Variants in THAP4 observed in about 807,000 individuals in gnomAD.
THAP4 encodes THAP domain containing 4.
A neutral mutation model predicts 48.1 loss-of-function variants in THAP4; 18 were observed. The ratio of observed to expected loss-of-function variants is 0.37; its 90% CI spans 0.26 to 0.56. The LOEUF (loss-of-function observed/expected upper bound fraction) is 0.56. Among genes scored for constraint, THAP4 ranks in the 20% least tolerant of loss-of-function variants. The probability of loss-of-function intolerance (pLI) is 0.78; values close to 1 mark genes in which losing one functional copy is unlikely to be tolerated. For missense variants in THAP4, 656 were observed against 774.9 expected, an observed-to-expected ratio of 0.85 and a Z score of 1.82; for synonymous variants, 345 against 324.9, an observed-to-expected ratio of 1.06 and a Z score of -0.66.
chr2:241,589,914 G>A (rs1163245435), intron 5 of THAP4, among the ~76,000 whole-genome samples: 2 of 152,146 alleles, frequency 1.3e-5, no homozygotes, highest in African/African-American at 4.8e-5. Flanking sequence ...AAAGGAGACC[G>A]GAAACAAATG....
intron 5 of THAP4, among the ~76,000 whole-genome samples, chr2:241,585,935 A>G (rs868568613): frequency 6.8e-6 from 1 of 146,996 alleles, no homozygotes; most frequent in African/African-American, 2.5e-5. Context: ...AAAAAGAAAA[A>G]AAAAAGAAAA....
At chr2:241,615,572 C>A (rs2067329754) in intron 2 of THAP4, among the ~76,000 whole-genome samples, 1 of 152,202 alleles carries the variant, frequency 6.6e-6, no homozygotes, top group African/African-American at 2.4e-5. Flanking sequence ...TACTGCAGAT[C>A]TAATATTTCG....
Position 241,609,792 on chromosome 2 carries a change from AAAAG to A in THAP4, c.1241-3323_1241-3320del, listed in dbSNP as rs550847040. The stretch of plus-strand genomic sequence containing the variant: ...ACAGAGACGTTTTCTCAAAAAAAAA[AAAAG>A]AAAGAAAGAGGCTTTGCAAACCTCA... On this transcript the variant is annotated intron_variant, in intron 2 of 5. Coordinates refer to ENST00000407315, the MANE Select transcript of THAP4 (RefSeq NM_015963.6). Among the ~76,000 whole-genome samples, 167 of 151,936 alleles carry A rather than the reference AAAAG, an allele frequency of 1.1e-3. 1 individual carries two copies. Among genetic ancestry groups the A allele is most frequent in the African/African-American group, 3.8e-3 (158 of 41,456 alleles).
chr2:241,603,825 C>T (rs1004496126), intron 3 of THAP4, among the ~76,000 whole-genome samples: 1 of 152,138 alleles, frequency 6.6e-6, no homozygotes, highest in African/African-American at 2.4e-5. Context: ...AAGACAGGCA[C>T]CTGCATCTTG....
At chr2:241,611,865 C>T (rs1314908250) in intron 2 of THAP4, among the ~76,000 whole-genome samples, 18 of 151,990 alleles carry the variant, frequency 1.2e-4, no homozygotes, top group Admixed American at 1.1e-3. Context: ...CAAGTGTGAA[C>T]AAGAGCAGCA....
chr2:241,630,129 G>A (rs893199720), intron 2 of THAP4, among the ~76,000 whole-genome samples: 1 of 151,922 alleles, frequency 6.6e-6, no homozygotes, highest in African/African-American at 2.4e-5. Context: ...TGCTCCCCTC[G>A]CCCAATCTGT....
At position 241,602,858 on chromosome 2, in the gene THAP4, C is replaced by T. The variant is rs1452907529; in HGVS notation, c.1510+112G>A. 3.6e-6 allele frequency: 3 copies of T among 834,666 alleles called. No homozygotes were observed. The African/African-American group carries it at 5.0e-5, about 14-fold the overall frequency. The allele number at this position is 834,666 out of a possible 1,614,324, so 51.7% of individuals were successfully genotyped here. ...ACACTCAGGGCCATCCCCACGGTCCCCACCAGCACATGCCTCAGCAGGGTT... is the reference window on the plus strand; with the variant it reads ...ACACTCAGGGCCATCCCCACGGTCCTCACCAGCACATGCCTCAGCAGGGTT... On this transcript the variant is annotated intron_variant, in intron 4 of 5. Coordinates refer to ENST00000407315, the MANE Select transcript of THAP4 (RefSeq NM_015963.6).
At position 241,633,104 on chromosome 2, in the gene THAP4, G is replaced by C; in HGVS notation, c.1053C>G (p.Ser351=). ...LIDSLHSYCF[S]SRQNKSQVCC... Reference sequence around the variant, plus strand: ...ACACCTGGCTCTTGTTCTGCCGGGAGGAGAAGCAGTAGGAGTGCAGTGAGT... The same window carrying C: ...ACACCTGGCTCTTGTTCTGCCGGGACGAGAAGCAGTAGGAGTGCAGTGAGT... The change falls in exon 2 of 6, where the codon TCC becomes TCG. Residue 351 remains serine, a synonymous_variant. Coordinates refer to ENST00000407315, the MANE Select transcript of THAP4 (RefSeq NM_015963.6). This position sits in a 1 kb window ranked among gnomAD's most constrained non-coding sequence, Gnocchi z 7.5. 6.2e-7 allele frequency: 1 copy of C among 1,613,924 alleles called. No individual in the cohort carries two copies. The highest frequency in any genetic ancestry group is 1.1e-5 in the South Asian group (1 of 91,054).
At chr2:241,602,135 T>G in intron 4 of THAP4, 136 bp from the exon 5 acceptor site, 1 of 752,992 alleles carries the variant, frequency 1.3e-6, no homozygotes, top group South Asian at 1.7e-5. Context: ...ATATTTCTCC[T>G]CCTCCCCACT....
intron 2 of THAP4, among the ~76,000 whole-genome samples, chr2:241,622,433 T>G (rs1204464061): frequency 6.6e-6 from 1 of 152,008 alleles, no homozygotes; most frequent in East Asian, 1.9e-4. Flanking sequence ...TCACTGGCAG[T>G]ACCTCTTCCC....
rs2067355841 is a variant in THAP4, at chr2:241,616,932, C to G, written c.1241-10459G>C. Among the ~76,000 whole-genome samples the G allele has an allele frequency of 6.6e-6, 1 of 152,150 alleles. No homozygotes were observed. The highest frequency in any genetic ancestry group is 1.5e-5 in the Non-Finnish European group (1 of 68,022). ...GGCGCCTCCTTCTGTCTACACTGCACCTCACCAGGTTAACCTGCTCCTGGG... is the reference window on the plus strand; with the variant it reads ...GGCGCCTCCTTCTGTCTACACTGCAGCTCACCAGGTTAACCTGCTCCTGGG... On this transcript the variant is annotated intron_variant, in intron 2 of 5. Transcript: ENST00000407315. The surrounding 1 kb of genome is among the most constrained non-coding windows in gnomAD (Gnocchi z 4.6).
In THAP4 at chr2:241,633,044, G is replaced by C. The variant is rs765217337; in HGVS notation, c.1113C>G (p.Gly371=). The C allele has an allele frequency of 3.1e-6, 5 of 1,613,790 alleles. No homozygotes were observed. Among genetic ancestry groups the C allele is most frequent in the Non-Finnish European group, 3.4e-6 (4 of 1,180,042 alleles). ...CCCTCTGCCGCAGGCTCTTCAGCTC[G>C]CCGTTCTTCTTCTCCACCTGCTCCC... ...CLREQVEKKN[G]ELKSLRQRVS... Residue 371 remains glycine, a synonymous_variant, in exon 2 of 6, where the codon GGC becomes GGG. Coordinates refer to ENST00000407315, the MANE Select transcript of THAP4 (RefSeq NM_015963.6). This position sits in a 1 kb window ranked among gnomAD's most constrained non-coding sequence, Gnocchi z 7.5.
At chr2:241,629,727 G>C (rs2067534769) in intron 2 of THAP4, among the ~76,000 whole-genome samples, 1 of 151,792 alleles carries the variant, frequency 6.6e-6, no homozygotes, top group African/African-American at 2.4e-5. Context: ...GGAGTTTCTT[G>C]TGTTGGTAAC....
At chr2:241,611,514 G>A (rs2067276192) in intron 2 of THAP4, among the ~76,000 whole-genome samples, 1 of 152,208 alleles carries the variant, frequency 6.6e-6, no homozygotes, top group South Asian at 2.1e-4. Context: ...TCTGAGGTCA[G>A]GAGTTCGAGA....
At chr2:241,637,253 C>T, upstream of THAP4, 1 of 1,047,426 alleles carries the variant, frequency 9.5e-7, no homozygotes, top group Non-Finnish European at 1.2e-6. Context: ...ACCAGCGGGG[C>T]GCCGCAGGCC....
At chr2:241,625,797 C>CAAAAAAAAAA (rs147602587) in intron 2 of THAP4, among the ~76,000 whole-genome samples, 23 of 50,170 alleles carry the variant, frequency 4.6e-4, no homozygotes, top group Admixed American at 6.9e-4. Context: ...GACTCCGTCT[C>CAAAAAAAAAA]AAAAAAAAAA....
intron 2 of THAP4, among the ~76,000 whole-genome samples, chr2:241,627,694 G>A (rs941146536): frequency 6.6e-6 from 1 of 152,174 alleles, no homozygotes; most frequent in Admixed American, 6.5e-5. Flanking sequence ...AAATCCACAC[G>A]GACAGCAAGA....
In THAP4 at chr2:241,616,070, G is replaced by C. The variant is rs551041276; in HGVS notation, c.1241-9597C>G. The stretch of plus-strand genomic sequence containing the variant: ...AGAACTCAGTCAGGGGGCTGGCAAG[G>C]ACAGGTGAGCACAGCTGGCTCCTCA... On this transcript the variant is annotated intron_variant, in intron 2 of 5. Transcript: ENST00000407315. This position sits in a 1 kb window ranked among gnomAD's most constrained non-coding sequence, Gnocchi z 4.6. Among the ~76,000 whole-genome samples, 7 of 152,218 alleles carry C rather than the reference G, an allele frequency of 4.6e-5. No individual in the cohort carries two copies. Among genetic ancestry groups the C allele is most frequent in the Non-Finnish European group, 1.0e-4 (7 of 68,030 alleles).
At chr2:241,608,150 T>C (rs188056415) in intron 2 of THAP4, among the ~76,000 whole-genome samples, 1 of 152,210 alleles carries the variant, frequency 6.6e-6, no homozygotes, top group East Asian at 1.9e-4. Flanking sequence ...GCAAAGGCTC[T>C]GGGGGTGGAG....
Sources: allele counts gnomAD v4.1 joint callset (sites outside exome capture counted in the v4.1 genomes callset), GRCh38; gene constraint gnomAD v4.1.1; non-coding constraint Gnocchi (gnomAD v3.1); transcripts MANE v1.5; gene names NCBI Gene and HGNC (gene_info 2026-07-23, HGNC 2026-07-21).